FRYL: variants seen among roughly 807,000 people sequenced by gnomAD.
FRYL encodes FRY like transcription coactivator.
Under a neutral mutation model 351.2 loss-of-function variants are expected in FRYL, and 150 were observed. The observed-to-expected ratio is 0.43, with a 90% confidence interval of 0.37 to 0.49. The LOEUF is 0.49. FRYL is among the 20% of genes least tolerant of loss of function. FRYL has a pLI of 0.00. For synonymous variants in FRYL, 1,153 were observed against 1,257.1 expected, an observed-to-expected ratio of 0.92 and a Z score of 1.75; for missense variants, 3,036 against 3,619.3, an observed-to-expected ratio of 0.84 and a Z score of 4.13.
At chr4:48,615,879 C>G (rs2149304341) in intron 7 of FRYL, among the ~76,000 whole-genome samples, 1 of 152,262 alleles carries the variant, frequency 6.6e-6, no homozygotes, top group South Asian at 2.1e-4. Context: ...GAATACTCTG[C>G]AGCCATAAAA....
chr4:48,751,821 C>T (rs1299992152), intron 1 of FRYL, among the ~76,000 whole-genome samples: 3 of 145,268 alleles, frequency 2.1e-5, no homozygotes, highest in Non-Finnish European at 4.5e-5. Context: ...TCCCTTATGC[C>T]TTGCTAAAGA....
intron 1 of FRYL, chr4:48,727,510 T>G (rs1770212377): frequency 6.6e-6 from 1 of 152,180 alleles, no homozygotes; most frequent in Admixed American, 6.5e-5. Flanking sequence ...GACAAATTGT[T>G]GGAGGATCAG....
At chr4:48,614,348 G>T (rs984828433) in intron 7 of FRYL, among the ~76,000 whole-genome samples, 7 of 152,120 alleles carry the variant, frequency 4.6e-5, no homozygotes, top group Admixed American at 3.3e-4. Context: ...TTAGCAACAA[G>T]AATTTCTAAG....
In FRYL at chr4:48,633,596, TATC is replaced by T. The variant is rs1753675668; in HGVS notation, c.120+692_120+694del. Among the ~76,000 whole-genome samples, 4 of 152,338 alleles carry T rather than the reference TATC, an allele frequency of 2.6e-5. No homozygotes were observed. The South Asian group carries it at 8.3e-4, about 32-fold the overall frequency. Reference sequence around the variant, plus strand: ...GTGTACTTTACCAAAGTAAATATATTATCATCTTTACTAACACTCCAGAGCATC... The same window carrying T: ...GTGTACTTTACCAAAGTAAATATATTATCTTTACTAACACTCCAGAGCATC... On this transcript the variant is annotated intron_variant, in intron 4 of 63. Transcript: ENST00000358350.
intron 37 of FRYL, among the ~76,000 whole-genome samples, 197 bp from the exon 38 acceptor site, chr4:48,550,901 G>T (rs113064500): frequency 6.6e-6 from 1 of 152,002 alleles, no homozygotes; most frequent in Non-Finnish European, 1.5e-5. Context: ...GTGAAACCCC[G>T]TGTCTACTAA....
intron 17 of FRYL, 92 bp downstream of exon 17, chr4:48,590,567 G>T: frequency 2.1e-6 from 2 of 952,114 alleles, no homozygotes; most frequent in Non-Finnish European, 3.0e-6. Flanking sequence ...ACCATATTAG[G>T]CAAATTTATA....
intron 55 of FRYL, chr4:48,520,658 G>A (rs1560529163): frequency 6.4e-6 from 1 of 155,128 alleles, no homozygotes. Flanking sequence ...GCTGGCCTGA[G>A]GTTTTAATCC....
chr4:48,778,160 T>C (rs1161347660), intron 1 of FRYL, among the ~76,000 whole-genome samples: 1 of 152,200 alleles, frequency 6.6e-6, no homozygotes, highest in Non-Finnish European at 1.5e-5. Context: ...TCCTAAATTC[T>C]GTGAGAAGAA....
Position 48,512,637 on chromosome 4 carries a change from C to G in FRYL, c.7989G>C (p.Leu2663=). 6.2e-7 allele frequency: 1 copy of G among 1,614,008 alleles called. No individual in the cohort carries two copies. Among genetic ancestry groups the G allele is most frequent in the South Asian group, 1.1e-5 (1 of 91,084 alleles). The part of the protein sequence containing the change: ...DGFPEVQTSP[L]PSPFLSAIIA... The stretch of plus-strand genomic sequence containing the variant: ...TGATGGCAGAAAGAAATGGTGACGG[C>G]AGAGGCGACGTCTGTACTTCTGGAA... Residue 2663 remains leucine, a synonymous_variant, in exon 57 of 64, where the codon CTG becomes CTC. Coordinates refer to ENST00000358350, the MANE Select transcript of FRYL (RefSeq NM_015030.2).
chr4:48,580,966 T>C lies in FRYL; in HGVS notation c.2173-15A>G. ...TCATCATCACCCTGTAAAAAAGACATCATATGTCTAAAAAAATTAGGAATG... is the reference window on the plus strand; with the variant it reads ...TCATCATCACCCTGTAAAAAAGACACCATATGTCTAAAAAAATTAGGAATG... On this transcript the variant is annotated splice_polypyrimidine_tract_variant and intron_variant, in intron 21 of 63. Transcript: ENST00000358350. 4 of 1,532,556 alleles carry C rather than the reference T, an allele frequency of 2.6e-6. No individual in the cohort carries two copies. Among genetic ancestry groups the C allele is most frequent in the Non-Finnish European group, 3.5e-6 (4 of 1,134,714 alleles). 94.9% of individuals were successfully genotyped at this position (1,532,556 alleles called of 1,614,324 possible).
At chr4:48,548,248 C>T (rs1265114129) in intron 40 of FRYL, among the ~76,000 whole-genome samples, 1 of 152,010 alleles carries the variant, frequency 6.6e-6, no homozygotes, top group South Asian at 2.1e-4. Flanking sequence ...ATGGTAGATC[C>T]CACATGTTTG....
At chr4:48,531,817 CA>C (rs1295644849) in intron 49 of FRYL, among the ~76,000 whole-genome samples, 1 of 152,056 alleles carries the variant, frequency 6.6e-6, no homozygotes, top group Non-Finnish European at 1.5e-5. Context: ...TACTAAAATA[CA>C]GTTAAGTCTT....
At chr4:48,610,617 T>C (rs1351191628) in intron 7 of FRYL, among the ~76,000 whole-genome samples, 1 of 147,908 alleles carries the variant, frequency 6.8e-6, no homozygotes, top group Non-Finnish European at 1.5e-5. Flanking sequence ...TATACCTATA[T>C]ACATATTGAA....
intron 59 of FRYL, 46 bp from the exon 60 acceptor site, chr4:48,505,661 T>C (rs373499235): frequency 4.9e-6 from 6 of 1,212,920 alleles, no homozygotes; most frequent in South Asian, 1.3e-5. Context: ...GTAAAATGGG[T>C]AGTGTAACAG....
intron 33 of FRYL, 73 bp from the exon 34 acceptor site, chr4:48,557,785 A>C: frequency 6.5e-7 from 1 of 1,534,620 alleles, no homozygotes; most frequent in Non-Finnish European, 8.9e-7. Context: ...ATTCCAACAG[A>C]TTTCAGAAGC....
intron 1 of FRYL, among the ~76,000 whole-genome samples, chr4:48,758,357 C>A (rs1294149324): frequency 2.0e-5 from 3 of 152,168 alleles, no homozygotes; most frequent in African/African-American, 2.4e-5. Context: ...TATCCAGAAT[C>A]TACAAAGAAC....
intron 2 of FRYL, among the ~76,000 whole-genome samples, chr4:48,694,376 C>G (rs1290196283): frequency 1.3e-5 from 2 of 151,806 alleles, no homozygotes; most frequent in Non-Finnish European, 1.5e-5. Flanking sequence ...CAATTCACTA[C>G]AACCTCTGCT....
Position 48,500,017 on chromosome 4 carries a change from C to T in FRYL, c.8783+13G>A, listed in dbSNP as rs1158444674. On this transcript the variant is annotated intron_variant, in intron 63 of 63. Coordinates refer to ENST00000358350, the MANE Select transcript of FRYL (RefSeq NM_015030.2). Reference sequence around the variant, plus strand: ...ATTTAAAGGCATCACCTTTAAATCCCGTCACGTTTTACCTGAAAGCTTTGA... The same window carrying T: ...ATTTAAAGGCATCACCTTTAAATCCTGTCACGTTTTACCTGAAAGCTTTGA... The T allele has an allele frequency of 1.2e-5, 18 of 1,546,880 alleles. No individual in the cohort carries two copies. The highest frequency in any genetic ancestry group is 3.7e-5 in the South Asian group (3 of 81,580).
chr4:48,733,807 G>C (rs1472576511), intron 1 of FRYL, among the ~76,000 whole-genome samples: 2 of 152,084 alleles, frequency 1.3e-5, no homozygotes, highest in East Asian at 3.9e-4. Flanking sequence ...CCACTTAAAA[G>C]TAACACTATA....
Sources: gnomAD v4.1 joint callset for allele counts (sites outside exome capture counted in the v4.1 genomes callset) on GRCh38, gnomAD v4.1.1 for gene constraint, MANE v1.5 for transcripts, NCBI Gene and HGNC (gene_info 2026-07-23, HGNC 2026-07-21) for gene names.